UGT1A9: variants seen among roughly 807,000 people sequenced by gnomAD.
UGT1A9 encodes the protein UDP-glucuronosyltransferase 1A9.
A neutral mutation model predicts 45.0 loss-of-function variants in UGT1A9; 35 were observed. That is an observed-to-expected ratio of 0.78 (90% CI 0.59 to 1.03). The LOEUF is 1.03. Among genes scored for constraint, UGT1A9 ranks in the 50% least tolerant of loss-of-function variants. The pLI is 0.00. For missense variants in UGT1A9, 687 were observed against 666.6 expected (o/e 1.03, Z -0.34); for synonymous variants, 278 against 250.6 (o/e 1.11, Z -1.03).
At chr2:233,721,420 A>G (rs2076943855) in intron 1 of UGT1A9, 1 of 156,132 alleles carries the variant, frequency 6.4e-6, no homozygotes, top group Admixed American at 6.5e-5. Context: ...AGGTACCCTA[A>G]GCATTGTGGT....
At chr2:233,755,133 A>C (rs576279774) in intron 1 of UGT1A9, 1 of 1,319,072 alleles carries the variant, frequency 7.6e-7, no homozygotes, top group Admixed American at 1.9e-5. Flanking sequence ...CACCTGCTTG[A>C]ATCTTCTCAC....
chr2:233,742,999 C>A, intron 1 of UGT1A9: 1 of 234,266 alleles, frequency 4.3e-6, no homozygotes, highest in Non-Finnish European at 8.5e-6. Context: ...AAATTGCATA[C>A]AGATATTTTA....
chr2:233,769,404 C>A lies in UGT1A9; in HGVS notation c.1295+965C>A. The A allele has an allele frequency of 8.2e-7, 1 of 1,225,146 alleles. No homozygotes were observed. The highest frequency in any genetic ancestry group is 1.2e-6 in the Non-Finnish European group (1 of 856,112). The allele number at this position is 1,225,146 out of a possible 1,614,324, so 75.9% of individuals were successfully genotyped here. ...ACAATAGATACTGTGTGCATATGTGCGTGTGCGTTTGTGCATGTGGCTGTG... is the reference window on the plus strand; with the variant it reads ...ACAATAGATACTGTGTGCATATGTGAGTGTGCGTTTGTGCATGTGGCTGTG... On this transcript the variant is annotated intron_variant, in intron 4 of 4. Transcript: ENST00000354728. The surrounding 1 kb of genome is among the most constrained non-coding windows in gnomAD (Gnocchi z 4.4).
In UGT1A9 at chr2:233,680,118, A is replaced by G. The variant is rs180960924; in HGVS notation, c.855+7329A>G. The stretch of plus-strand genomic sequence containing the variant: ...CAATCATAGCGGCAGAGCTCAATCT[A>G]CGGTACCTATCAAGTAATTCAAGTT... On this transcript the variant is annotated intron_variant, in intron 1 of 4. Coordinates refer to ENST00000354728, the MANE Select transcript of UGT1A9 (RefSeq NM_021027.3). Among the ~76,000 whole-genome samples, 32 of 152,110 alleles carry G rather than the reference A, an allele frequency of 2.1e-4. No homozygotes were observed. In the East Asian group the frequency reaches 6.2e-3, roughly 29 times the overall value.
chr2:233,715,185 C>T (rs2125642752), intron 1 of UGT1A9, among the ~76,000 whole-genome samples: 1 of 152,280 alleles, frequency 6.6e-6, no homozygotes, highest in African/African-American at 2.4e-5. Context: ...CACACCTAGG[C>T]AATTTTTCTA....
At chr2:233,693,353 AT>A (rs778099997) in intron 1 of UGT1A9, 1 of 1,614,132 alleles carries the variant, frequency 6.2e-7, no homozygotes, top group Admixed American at 1.7e-5. Context: ...GAATAACATG[AT>A]TGTTATTGGC....
At chr2:233,724,768 A>G (rs1231728471) in intron 1 of UGT1A9, among the ~76,000 whole-genome samples, 1 of 142,484 alleles carries the variant, frequency 7.0e-6, no homozygotes, top group Non-Finnish European at 1.5e-5. Context: ...GCGGCCAGGC[A>G]GAGACACTCC....
chr2:233,761,777 C>T (rs1456855794), intron 1 of UGT1A9, among the ~76,000 whole-genome samples: 1 of 152,206 alleles, frequency 6.6e-6, no homozygotes, highest in Non-Finnish European at 1.5e-5. Context: ...TTCACATCCT[C>T]ATCGAAATCT....
In UGT1A9 at chr2:233,672,018, A is replaced by G; in HGVS notation, c.84A>G (p.Leu28=). 1.9e-6 allele frequency: 3 copies of G among 1,614,130 alleles called. No homozygotes were observed. The highest frequency in any genetic ancestry group is 2.5e-6 in the Non-Finnish European group (3 of 1,179,990). The part of the protein sequence containing the change: ...LTCGFAEAGK[L]LVVPMDGSHW... Reference sequence around the variant, plus strand: ...GTGGCTTTGCCGAGGCAGGGAAGCTACTGGTAGTGCCCATGGATGGGAGCC... The same window carrying G: ...GTGGCTTTGCCGAGGCAGGGAAGCTGCTGGTAGTGCCCATGGATGGGAGCC... Residue 28 remains leucine, a synonymous_variant, in exon 1 of 5, where the codon CTA becomes CTG. Transcript: ENST00000354728.
intron 1 of UGT1A9, among the ~76,000 whole-genome samples, chr2:233,709,752 A>G (rs1448990016): frequency 1.3e-5 from 2 of 152,332 alleles, no homozygotes; most frequent in South Asian, 4.1e-4. Context: ...AATAAACATT[A>G]TTGGAGTATT....
chr2:233,675,984 A>G (rs1252674012), intron 1 of UGT1A9, among the ~76,000 whole-genome samples: 1 of 152,208 alleles, frequency 6.6e-6, no homozygotes, highest in African/African-American at 2.4e-5. Flanking sequence ...CTTTCCATAC[A>G]GATCAATGGA....
At chr2:233,700,189 G>A (rs954345337) in intron 1 of UGT1A9, among the ~76,000 whole-genome samples, 2 of 152,162 alleles carry the variant, frequency 1.3e-5, no homozygotes, top group Non-Finnish European at 2.9e-5. Context: ...TGAAATCTCA[G>A]CCTTTGTTGG....
intron 1 of UGT1A9, chr2:233,691,389 G>A (rs1327522820): frequency 1.0e-6 from 1 of 985,432 alleles, no homozygotes. Flanking sequence ...TTCCCCATGG[G>A]GGCCAGCCCT....
intron 1 of UGT1A9, among the ~76,000 whole-genome samples, chr2:233,706,946 T>C (rs766226736): frequency 3.3e-5 from 5 of 152,114 alleles, no homozygotes; most frequent in Non-Finnish European, 7.4e-5. Context: ...GGAATGCTTG[T>C]GCAAGTCAGG....
chr2:233,769,493 G>A lies in UGT1A9; in HGVS notation c.1295+1054G>A. ...TGTGTGTGTGTGCGTGTGTTTATGA[G>A]AGTGTCCATTGCTTTCTCCCATGGT... On this transcript the variant is annotated intron_variant, in intron 4 of 4. Coordinates refer to ENST00000354728, the MANE Select transcript of UGT1A9 (RefSeq NM_021027.3). The surrounding 1 kb of genome is among the most constrained non-coding windows in gnomAD (Gnocchi z 4.4). 1 of 1,612,700 alleles carries A rather than the reference G, an allele frequency of 6.2e-7. No homozygotes were observed. Among genetic ancestry groups the A allele is most frequent in the East Asian group, 2.2e-5 (1 of 44,876 alleles).
chr2:233,687,567 G>T (rs1436432522), intron 1 of UGT1A9, among the ~76,000 whole-genome samples: 3 of 117,252 alleles, frequency 2.6e-5, no homozygotes, highest in Non-Finnish European at 5.0e-5. Flanking sequence ...CAGAATTCAA[G>T]ACCATACATT....
At position 233,747,438 on chromosome 2, in the gene UGT1A9, A is replaced by G; in HGVS notation, c.856-19596A>G. The G allele has an allele frequency of 1.2e-6, 2 of 1,608,812 alleles. 1 individual carries two copies. On this transcript the variant is annotated intron_variant, in intron 1 of 4. Transcript: ENST00000354728. ...GCACATCAAACAAGAGAAATTTTTC[A>G]CCCTGACAACCTATGCCATTTCATG...
chr2:233,755,312 G>C (rs976147893), intron 1 of UGT1A9: 6 of 551,356 alleles, frequency 1.1e-5, no homozygotes, highest in Middle Eastern at 4.3e-4. Flanking sequence ...CACAGCGAGC[G>C]GCAAGGCTGC....
At chr2:233,758,087 A>T (rs1470307117) in intron 1 of UGT1A9, among the ~76,000 whole-genome samples, 1 of 152,172 alleles carries the variant, frequency 6.6e-6, no homozygotes, top group Non-Finnish European at 1.5e-5. Context: ...TTCCTAGCAT[A>T]GTGACTGCCA....
Sources: allele counts gnomAD v4.1 joint callset (sites outside exome capture counted in the v4.1 genomes callset), GRCh38; gene constraint gnomAD v4.1.1; non-coding constraint Gnocchi (gnomAD v3.1); transcripts MANE v1.5; gene names NCBI Gene and HGNC (gene_info 2026-07-23, HGNC 2026-07-21).